The following NMBR variants were observed in gnomAD, a reference collection of about 807,000 sequenced individuals.
NMBR encodes neuromedin B receptor, also known as neuromedin-B receptor.
NMBR carries 16 observed loss-of-function variants against 20.5 expected under a neutral mutation model. The observed-to-expected ratio is 0.78, with a 90% CI of 0.53 to 1.19. The LOEUF is 1.19. NMBR is among the 50% of genes most tolerant of loss of function. NMBR has a pLI of 0.00. For missense variants in NMBR, 582 were observed against 499.1 expected (o/e 1.17, Z -1.58); for synonymous variants, 212 against 196.6 (o/e 1.08, Z -0.65).
chr6:142,109,213 G>C (rs1368548960), intron 1 of NMBR, among the ~76,000 whole-genome samples: 3 of 152,148 alleles, frequency 2.0e-5, no homozygotes, highest in Non-Finnish European at 2.9e-5. Flanking sequence ...CTCTGGAGGA[G>C]AGTGGCCCCC....
rs544577508 is a variant in NMBR, at chr6:142,114,654, A to G, written c.-663-25333T>C. 4.5e-4 allele frequency among the ~76,000 whole-genome samples: 69 copies of G among 152,290 alleles called. 1 individual carries two copies. In the South Asian group the frequency reaches 6.2e-3, roughly 14 times the overall value. Reference sequence around the variant, plus strand: ...ACATCAGTAAACATTTCAGCCAAATATAAATAAAAATGTATTTGTGTCTAT... The same window carrying G: ...ACATCAGTAAACATTTCAGCCAAATGTAAATAAAAATGTATTTGTGTCTAT... On this transcript the variant is annotated intron_variant, in intron 1 of 3. Transcript: ENST00000258042.
At chr6:142,090,487 C>T (rs1165813042) in intron 1 of NMBR, among the ~76,000 whole-genome samples, 1 of 151,228 alleles carries the variant, frequency 6.6e-6, no homozygotes, top group Non-Finnish European at 1.5e-5. Context: ...TTATTGTACT[C>T]TTCTGGAATT....
At chr6:142,142,268 A>G (rs112401795) in intron 1 of NMBR, among the ~76,000 whole-genome samples, 1 of 152,244 alleles carries the variant, frequency 6.6e-6, no homozygotes, top group East Asian at 1.9e-4. Flanking sequence ...TGTTTAAGGA[A>G]GAAATAATAC....
At chr6:142,094,875 G>A (rs1384695018) in intron 1 of NMBR, among the ~76,000 whole-genome samples, 3 of 152,268 alleles carry the variant, frequency 2.0e-5, no homozygotes, top group Middle Eastern at 3.4e-3. Context: ...CACGTCCCTT[G>A]TAAGCTGGAT....
At chr6:142,096,023 TC>T (rs1221124299) in intron 1 of NMBR, among the ~76,000 whole-genome samples, 2 of 152,194 alleles carry the variant, frequency 1.3e-5, no homozygotes, top group Non-Finnish European at 2.9e-5. Context: ...TTTTATTGCA[TC>T]TATTTGATTC....
intron 1 of NMBR, among the ~76,000 whole-genome samples, chr6:142,118,714 A>G (rs1312821750): frequency 6.6e-6 from 1 of 152,186 alleles, no homozygotes; most frequent in East Asian, 1.9e-4. Context: ...TAAGAAACCC[A>G]TGGAAGGAAG....
At chr6:142,078,368 A>C (rs1776994960) in intron 3 of NMBR, among the ~76,000 whole-genome samples, 187 bp downstream of exon 3, 2 of 152,220 alleles carry the variant, frequency 1.3e-5, no homozygotes, top group African/African-American at 2.4e-5. Flanking sequence ...ACTGAACCTA[A>C]GCAGGCCTTT....
At chr6:142,107,120 G>T (rs115598975) in intron 1 of NMBR, among the ~76,000 whole-genome samples, 176 of 152,282 alleles carry the variant, frequency 1.2e-3, no homozygotes, top group African/African-American at 4.0e-3. Flanking sequence ...CCTGAACTCA[G>T]CATGGATAGA....
intron 1 of NMBR, among the ~76,000 whole-genome samples, chr6:142,122,560 C>T (rs1052632024): frequency 6.6e-6 from 1 of 151,934 alleles, no homozygotes; most frequent in Non-Finnish European, 1.5e-5. Context: ...AAGATGCCAT[C>T]TAAAACTTTC....
intron 1 of NMBR, among the ~76,000 whole-genome samples, chr6:142,100,412 G>T (rs1416007616): frequency 1.3e-5 from 2 of 152,136 alleles, no homozygotes; most frequent in Non-Finnish European, 2.9e-5. Context: ...AAAAGACATT[G>T]AAGAAACTTA....
intron 1 of NMBR, among the ~76,000 whole-genome samples, chr6:142,103,314 C>T (rs1370623243): frequency 1.3e-5 from 2 of 152,038 alleles, no homozygotes; most frequent in East Asian, 3.9e-4. Flanking sequence ...TATGTTAAAG[C>T]TTTTATACAA....
intron 2 of NMBR, among the ~76,000 whole-genome samples, 157 bp from the exon 3 acceptor site, chr6:142,079,060 G>GAGAGAA (rs1344225688): frequency 7.1e-6 from 1 of 141,238 alleles, no homozygotes; most frequent in African/African-American, 2.8e-5. Context: ...AAGAGAGAAA[G>GAGAGAA]AGAGAGAGAA....
rs1236155483 is a variant in NMBR at position 142,089,302 on chromosome 6, G to C, written c.-644C>G. ...TGGAATCTCTGAGGATTAAAGGGCT[G>C]AGTTGGCAAGTCCCTAATGCTGAAA... is the stretch of plus-strand genomic sequence containing the variant. On this transcript the variant is annotated 5_prime_UTR_variant, in exon 2 of 4. Coordinates refer to ENST00000258042, the MANE Select transcript of NMBR (RefSeq NM_002511.4). The C allele has an allele frequency of 6.6e-6, 1 of 152,156 alleles. No homozygotes were observed. Among genetic ancestry groups the C allele is most frequent in the African/African-American group, 2.4e-5 (1 of 41,420 alleles). The allele number at this position is 152,156 out of a possible 1,614,324, so 9.4% of individuals were successfully genotyped here.
In NMBR at chr6:142,115,816, C is replaced by T. The variant is rs967150223; in HGVS notation, c.-663-26495G>A. ...TATAGTTGTGAAAATTATCTAATGA[C>T]TTTGAATTATGATTTTAAGAGTTCA... On this transcript the variant is annotated intron_variant, in intron 1 of 3. Transcript: ENST00000258042. 5.3e-5 allele frequency among the ~76,000 whole-genome samples: 8 copies of T among 151,978 alleles called. 1 individual carries two copies. Among genetic ancestry groups the T allele is most frequent in the Admixed American group, 2.0e-4 (3 of 15,230 alleles).
intron 1 of NMBR, among the ~76,000 whole-genome samples, chr6:142,096,160 T>C (rs549982701): frequency 2.6e-5 from 4 of 152,338 alleles, no homozygotes; most frequent in Non-Finnish European, 5.9e-5. Context: ...CCTTCAGTTC[T>C]GCTCTGATTT....
chr6:142,099,768 G>A (rs1387714006), intron 1 of NMBR, among the ~76,000 whole-genome samples: 1 of 152,070 alleles, frequency 6.6e-6, no homozygotes, highest in Non-Finnish European at 1.5e-5. Flanking sequence ...CAATAAGCAG[G>A]CTAAAGACTA....
chr6:142,126,282 TG>T (rs1778037012), intron 1 of NMBR, among the ~76,000 whole-genome samples: 1 of 151,856 alleles, frequency 6.6e-6, no homozygotes, highest in African/African-American at 2.4e-5. Context: ...TGTGTGTGTG[TG>T]TGAGATTTCT....
chr6:142,126,385 C>A (rs2114602559), intron 1 of NMBR, among the ~76,000 whole-genome samples: 1 of 151,844 alleles, frequency 6.6e-6, no homozygotes, highest in African/African-American at 2.4e-5. Flanking sequence ...GTGCAGATAG[C>A]TCTATGAGAT....
chr6:142,114,251 C>T (rs1182571537), intron 1 of NMBR, among the ~76,000 whole-genome samples: 1 of 152,126 alleles, frequency 6.6e-6, no homozygotes, highest in East Asian at 1.9e-4. Flanking sequence ...TGGGTCAAGG[C>T]TAATGCCTTT....
Sources: gnomAD v4.1 joint callset for allele counts (sites outside exome capture counted in the v4.1 genomes callset) on GRCh38, gnomAD v4.1.1 for gene constraint, MANE v1.5 for transcripts, NCBI Gene and HGNC (gene_info 2026-07-23, HGNC 2026-07-21) for gene names.